Variants in SHOC2 observed in about 807,000 individuals in gnomAD.
SHOC2 encodes leucine-rich repeat protein SHOC-2.
A neutral mutation model predicts 50.2 loss-of-function variants in SHOC2; 4 were observed. That is an observed-to-expected ratio of 0.08 (90% CI 0.04 to 0.18). SHOC2 has a LOEUF of 0.18. SHOC2 is among the 10% of genes least tolerant of loss of function. The probability of loss-of-function intolerance (pLI) is 1.00; values close to 1 mark genes in which losing one functional copy is unlikely to be tolerated. For missense variants in SHOC2, 388 were observed against 669.6 expected, an observed-to-expected ratio of 0.58 and a Z score of 4.64; for synonymous variants, 218 against 244.5, an observed-to-expected ratio of 0.89 and a Z score of 1.01.
intron 1 of SHOC2, among the ~76,000 whole-genome samples, chr10:110,948,866 T>G (rs955245729): frequency 6.6e-6 from 1 of 152,232 alleles, no homozygotes; most frequent in Non-Finnish European, 1.5e-5. Context: ...CAGCCCAGGA[T>G]GGCTTTGAAT....
At chr10:111,010,195 G>T (rs1848541124) in intron 8 of SHOC2, among the ~76,000 whole-genome samples, 2 of 151,972 alleles carry the variant, frequency 1.3e-5, no homozygotes, top group Admixed American at 1.3e-4. Context: ...TGAGATTTTA[G>T]AATTAATATT....
intron 3 of SHOC2, among the ~76,000 whole-genome samples, chr10:110,987,298 A>G (rs970280417): frequency 6.6e-6 from 1 of 152,190 alleles, no homozygotes; most frequent in African/African-American, 2.4e-5. Flanking sequence ...ATTACCTACC[A>G]TTACTTGAAA....
Position 111,007,796 on chromosome 10 carries a change from T to C in SHOC2, c.1284+143T>C, listed in dbSNP as rs1434741183. 4.9e-6 allele frequency: 4 copies of C among 820,378 alleles called. No homozygotes were observed. In the African/African-American group the frequency reaches 5.1e-5, roughly 11 times the overall value. 50.8% of individuals were successfully genotyped at this position (820,378 alleles called of 1,614,324 possible). ...AACTCACTTAAACATACAACCCTAA[T>C]AGGATAATGAAGTGTTGACTTAGGT... On this transcript the variant is annotated intron_variant, in intron 6 of 8. Transcript: ENST00000369452.
chr10:110,923,956 T>C (rs1384240466), intron 1 of SHOC2, among the ~76,000 whole-genome samples: 3 of 152,198 alleles, frequency 2.0e-5, no homozygotes, highest in African/African-American at 7.2e-5. Flanking sequence ...GGAGGTAAAG[T>C]GGAAATGGCC....
chr10:110,943,756 A>G (rs1847195552), intron 1 of SHOC2, among the ~76,000 whole-genome samples: 1 of 152,208 alleles, frequency 6.6e-6, no homozygotes, highest in South Asian at 2.1e-4. Context: ...GTGTTTGTCA[A>G]ATTGAGAACC....
intron 1 of SHOC2, among the ~76,000 whole-genome samples, chr10:110,921,968 CT>C (rs879927479): frequency 9.5e-5 from 14 of 148,056 alleles, no homozygotes; most frequent in Admixed American, 2.0e-4. Context: ...GCAGCTAGAT[CT>C]TTTTTTTTTA....
intron 1 of SHOC2, among the ~76,000 whole-genome samples, chr10:110,929,578 G>A (rs536959887): frequency 1.3e-5 from 2 of 152,320 alleles, no homozygotes; most frequent in South Asian, 2.1e-4. Flanking sequence ...TAGAAAGTCC[G>A]AGATTGAGGT....
At chr10:110,989,825 A>G (rs1055623709) in intron 3 of SHOC2, among the ~76,000 whole-genome samples, 1 of 152,196 alleles carries the variant, frequency 6.6e-6, no homozygotes, top group African/African-American at 2.4e-5. Context: ...TATATTCAGT[A>G]TATATTCAGG....
intron 2 of SHOC2, among the ~76,000 whole-genome samples, chr10:110,968,103 A>G (rs1480522196): frequency 2.0e-5 from 3 of 152,132 alleles, no homozygotes; most frequent in Non-Finnish European, 4.4e-5. Context: ...GAGGGTTCCA[A>G]TTTCTCTGCA....
intron 1 of SHOC2, among the ~76,000 whole-genome samples, chr10:110,939,562 A>G (rs941178322): frequency 6.6e-6 from 1 of 152,186 alleles, no homozygotes; most frequent in Non-Finnish European, 1.5e-5. Context: ...GAATTGAGGT[A>G]AGATATCGAG....
intron 1 of SHOC2, among the ~76,000 whole-genome samples, chr10:110,943,732 T>C (rs1196351833): frequency 1.3e-5 from 2 of 152,194 alleles, no homozygotes; most frequent in Non-Finnish European, 2.9e-5. Flanking sequence ...TGTTAAATAT[T>C]AAGTGAGTAA....
intron 1 of SHOC2, among the ~76,000 whole-genome samples, chr10:110,947,316 G>T (rs1186961450): frequency 2.0e-5 from 3 of 152,250 alleles, no homozygotes; most frequent in Non-Finnish European, 4.4e-5. Flanking sequence ...AGGCTAGCCT[G>T]CTGGAGAAGT....
Position 111,004,576 on chromosome 10 carries a change from A to T in SHOC2, c.973-30A>T, listed in dbSNP as rs563914561. On this transcript the variant is annotated intron_variant, in intron 4 of 8. Coordinates refer to ENST00000369452, the MANE Select transcript of SHOC2 (RefSeq NM_007373.4). ...AAAAATGAGTCTCATCACAGTTCTA[A>T]TTCTTATGTTTATTTCATTTTTTTT... The T allele has an allele frequency of 6.6e-6, 10 of 1,521,152 alleles. No individual in the cohort carries two copies. In the South Asian group the frequency reaches 1.1e-4, roughly 17 times the overall value. The allele number at this position is 1,521,152 out of a possible 1,614,324, so 94.2% of individuals were successfully genotyped here. A position where few individuals can be genotyped will look rare whatever the true frequency, so the allele number is the denominator to read the frequency against.
At chr10:110,944,734 A>G (rs1467737475) in intron 1 of SHOC2, among the ~76,000 whole-genome samples, 2 of 152,030 alleles carry the variant, frequency 1.3e-5, no homozygotes, top group Non-Finnish European at 2.9e-5. Flanking sequence ...AATTCTGCAA[A>G]CTCTATTTGA....
chr10:110,937,010 G>C, intron 1 of SHOC2: 1 of 1,482,592 alleles, frequency 6.7e-7, no homozygotes, highest in African/African-American at 1.4e-5. Flanking sequence ...GGGGCTGGGG[G>C]CCCGGAAGTG....
At chr10:110,953,771 A>G (rs1421695065) in intron 1 of SHOC2, among the ~76,000 whole-genome samples, 1 of 151,750 alleles carries the variant, frequency 6.6e-6, no homozygotes. Flanking sequence ...ATGTGTATAT[A>G]TATTTAAACC....
intron 2 of SHOC2, among the ~76,000 whole-genome samples, chr10:110,970,955 A>C (rs893530785): frequency 1.3e-5 from 2 of 151,946 alleles, no homozygotes; most frequent in African/African-American, 4.8e-5. Context: ...TTGTATATTA[A>C]TCTATTGTCA....
At chr10:110,940,776 G>A (rs1385615056) in intron 1 of SHOC2, among the ~76,000 whole-genome samples, 1 of 151,996 alleles carries the variant, frequency 6.6e-6, no homozygotes, top group Non-Finnish European at 1.5e-5. Context: ...ACTCAACCTG[G>A]CCACTTGGAT....
chr10:110,947,563 A>G (rs1021280193), intron 1 of SHOC2, among the ~76,000 whole-genome samples: 4 of 152,262 alleles, frequency 2.6e-5, no homozygotes, highest in African/African-American at 7.2e-5. Flanking sequence ...TGATAAATAT[A>G]TAATCTAAAA....
Sources: allele counts gnomAD v4.1 joint callset (sites outside exome capture counted in the v4.1 genomes callset), GRCh38; gene constraint gnomAD v4.1.1; transcripts MANE v1.5; gene names NCBI Gene and HGNC (gene_info 2026-07-23, HGNC 2026-07-21).